The following COL23A1 variants were observed in gnomAD, a reference collection of about 807,000 sequenced individuals.
COL23A1 encodes collagen alpha-1(XXIII) chain.
COL23A1 carries 97 observed loss-of-function variants against 99.3 expected under a neutral mutation model. The ratio of observed to expected loss-of-function variants is 0.98; its 90% CI spans 0.83 to 1.16. COL23A1 has a LOEUF of 1.16. COL23A1 is among the 50% of genes most tolerant of loss of function. The pLI, the probability that COL23A1 is intolerant of heterozygous loss-of-function variation, is 0.00. For synonymous variants in COL23A1, 320 were observed against 308.2 expected (o/e 1.04, Z -0.40); for missense variants, 762 against 757.4 (o/e 1.01, Z -0.07).
At chr5:178,535,902 G>C (rs1005761312) in intron 2 of COL23A1, among the ~76,000 whole-genome samples, 8 of 152,254 alleles carry the variant, frequency 5.3e-5, no homozygotes, top group African/African-American at 1.4e-4. Context: ...TGAGGGTCCT[G>C]GTCAGGGGAT....
At chr5:178,485,475 C>CA (rs1370131696) in intron 2 of COL23A1, among the ~76,000 whole-genome samples, 43 of 123,122 alleles carry the variant, frequency 3.5e-4, no homozygotes, top group Middle Eastern at 9.4e-3. Context: ...GACCCTGTCT[C>CA]AAAAAAAAGA....
At chr5:178,449,312 GA>G (rs1156407126) in intron 2 of COL23A1, among the ~76,000 whole-genome samples, 1 of 152,144 alleles carries the variant, frequency 6.6e-6, no homozygotes, top group African/African-American at 2.4e-5. Context: ...CTGCCGCTGG[GA>G]AATGGTCATG....
intron 14 of COL23A1, 44 bp from the exon 15 acceptor site, chr5:178,256,441 C>G: frequency 6.3e-7 from 1 of 1,575,852 alleles, no homozygotes; most frequent in East Asian, 2.3e-5. Context: ...GCTGTGAAGC[C>G]AAAACACACC....
At chr5:178,372,873 GC>G (rs1172574218) in intron 2 of COL23A1, among the ~76,000 whole-genome samples, 1 of 151,878 alleles carries the variant, frequency 6.6e-6, no homozygotes, top group Admixed American at 6.6e-5. Flanking sequence ...ACCGCGCCCA[GC>G]CCCCAGCTTC....
intron 2 of COL23A1, among the ~76,000 whole-genome samples, chr5:178,410,018 A>G (rs1269939864): frequency 6.6e-6 from 1 of 152,196 alleles, no homozygotes; most frequent in African/African-American, 2.4e-5. Flanking sequence ...ACATTTGACT[A>G]TTTAAAAACA....
intron 2 of COL23A1, among the ~76,000 whole-genome samples, chr5:178,502,669 G>C (rs887409644): frequency 2.6e-5 from 4 of 152,216 alleles, no homozygotes; most frequent in Non-Finnish European, 5.9e-5. Context: ...CACTGCAAAT[G>C]AACGTTAGGA....
intron 2 of COL23A1, among the ~76,000 whole-genome samples, chr5:178,429,698 C>T (rs1262591036): frequency 6.6e-6 from 1 of 150,734 alleles, no homozygotes; most frequent in Non-Finnish European, 1.5e-5. Flanking sequence ...TCCCCCAGCT[C>T]ATTTTCCACA....
intron 2 of COL23A1, among the ~76,000 whole-genome samples, chr5:178,498,218 A>G (rs1234103857): frequency 1.5e-4 from 6 of 40,768 alleles, no homozygotes; most frequent in African/African-American, 1.5e-3. Flanking sequence ...ATATATATAT[A>G]TATATATATA....
chr5:178,269,654 TCATCCATC>T (rs1241185933), intron 6 of COL23A1, among the ~76,000 whole-genome samples: 1 of 97,612 alleles, frequency 1.0e-5, no homozygotes, highest in Non-Finnish European at 2.1e-5. Flanking sequence ...ACCAATCCAT[TCATCCATC>T]CATCCACCCA....
At chr5:178,550,765 C>A (rs984319693) in intron 2 of COL23A1, among the ~76,000 whole-genome samples, 2 of 152,070 alleles carry the variant, frequency 1.3e-5, no homozygotes, top group South Asian at 4.1e-4. Context: ...GATAATGACA[C>A]CCCACAGAGT....
intron 2 of COL23A1, among the ~76,000 whole-genome samples, chr5:178,523,197 T>G (rs867142463): frequency 0.047 from 3,490 of 73,532 alleles, 160 homozygotes; most frequent in African/African-American, 0.13. Context: ...TATATATATA[T>G]ATATAGAGAG....
At position 178,291,856 on chromosome 5, in the gene COL23A1, A is replaced by G. The variant is rs574265422; in HGVS notation, c.407-1487T>C. Among the ~76,000 whole-genome samples the G allele has an allele frequency of 9.2e-5, 14 of 152,110 alleles. 1 individual carries two copies. Among genetic ancestry groups the G allele is most frequent in the Admixed American group, 7.9e-4 (12 of 15,260 alleles). On this transcript the variant is annotated intron_variant, in intron 3 of 28. Transcript: ENST00000390654. ...CAAGGATTTTTGGCTTGAAACACTGATGTACTCACACCCCAGAATGATGAC... is the reference window on the plus strand; with the variant it reads ...CAAGGATTTTTGGCTTGAAACACTGGTGTACTCACACCCCAGAATGATGAC...
intron 2 of COL23A1, among the ~76,000 whole-genome samples, chr5:178,400,803 A>G (rs1403387731): frequency 6.6e-6 from 1 of 152,118 alleles, no homozygotes; most frequent in East Asian, 1.9e-4. Flanking sequence ...ACGCCCGGCT[A>G]ATTTTTGTAT....
In COL23A1 at chr5:178,533,719, G is replaced by A. The variant is rs2113236456; in HGVS notation, c.361+26963C>T. On this transcript the variant is annotated intron_variant, in intron 2 of 28. Coordinates refer to ENST00000390654, the MANE Select transcript of COL23A1 (RefSeq NM_173465.4). The stretch of plus-strand genomic sequence containing the variant: ...TCACCATATTGGACAAGCTGGTCTT[G>A]AACTCCTGACCTCGTGATCCGCCTG... Among the ~76,000 whole-genome samples, 3 of 152,204 alleles carry A rather than the reference G, an allele frequency of 2.0e-5. No individual in the cohort carries two copies. In the Middle Eastern group the frequency reaches 0.01, roughly 518 times the overall value.
intron 2 of COL23A1, among the ~76,000 whole-genome samples, chr5:178,516,976 G>A (rs1759553909): frequency 1.3e-5 from 2 of 152,232 alleles, no homozygotes; most frequent in Non-Finnish European, 2.9e-5. Flanking sequence ...GAAAGCGCCT[G>A]TCACTGAGGT....
At chr5:178,363,068 A>G (rs997379269) in intron 2 of COL23A1, among the ~76,000 whole-genome samples, 4 of 145,020 alleles carry the variant, frequency 2.8e-5, no homozygotes, top group Non-Finnish European at 4.5e-5. Context: ...AACCCCACAT[A>G]TTTTGTTTTG....
intron 2 of COL23A1, among the ~76,000 whole-genome samples, chr5:178,311,486 G>C (rs1458791981): frequency 4.6e-5 from 2 of 43,130 alleles, no homozygotes; most frequent in Non-Finnish European, 1.1e-4. Flanking sequence ...TCTTTCCTCT[G>C]TGTGTGTGTG....
rs1425898792 is a variant in COL23A1, at chr5:178,415,473, C to T, written c.362-108554G>A. Among the ~76,000 whole-genome samples the T allele has an allele frequency of 6.6e-6, 1 of 152,218 alleles. No homozygotes were observed. Among genetic ancestry groups the T allele is most frequent in the African/African-American group, 2.4e-5 (1 of 41,466 alleles). ...TGGAGCACGGCTCACCCTGCTGCCT[C>T]TCTGCACAGGCTTGCTGCTGCCAGC... is the stretch of plus-strand genomic sequence containing the variant. On this transcript the variant is annotated intron_variant, in intron 2 of 28. Coordinates refer to ENST00000390654, the MANE Select transcript of COL23A1 (RefSeq NM_173465.4). The surrounding 1 kb of genome is among the most constrained non-coding windows in gnomAD (Gnocchi z 4.6).
At chr5:178,440,569 T>C (rs1317027029) in intron 2 of COL23A1, among the ~76,000 whole-genome samples, 1 of 152,166 alleles carries the variant, frequency 6.6e-6, no homozygotes, top group African/African-American at 2.4e-5. Flanking sequence ...GAGAATGCGG[T>C]GTATACAGTA....
Sources: gnomAD v4.1 joint callset for allele counts (sites outside exome capture counted in the v4.1 genomes callset) on GRCh38, gnomAD v4.1.1 for gene constraint, Gnocchi (gnomAD v3.1) non-coding constraint, MANE v1.5 for transcripts, NCBI Gene and HGNC (gene_info 2026-07-23, HGNC 2026-07-21) for gene names.